Variants in MINDY3 observed in about 807,000 individuals in gnomAD.
MINDY3 encodes the protein ubiquitin carboxyl-terminal hydrolase MINDY-3.
A neutral mutation model predicts 69.2 loss-of-function variants in MINDY3; 38 were observed. The observed-to-expected ratio is 0.55, with a 90% confidence interval of 0.42 to 0.72. MINDY3 has a LOEUF of 0.72. MINDY3 is among the 30% of genes least tolerant of loss of function. The pLI is 0.00. For missense variants in MINDY3, 522 were observed against 519.0 expected, an observed-to-expected ratio of 1.01 and a Z score of -0.06; for synonymous variants, 192 against 180.1, an observed-to-expected ratio of 1.07 and a Z score of -0.53.
At chr10:15,823,900 T>C (rs1839927546) in intron 8 of MINDY3, among the ~76,000 whole-genome samples, 1 of 152,140 alleles carries the variant, frequency 6.6e-6, no homozygotes, top group African/African-American at 2.4e-5. Context: ...AGCGTGTGAT[T>C]TTGTCTTTTT....
At chr10:15,835,684 G>A (rs1306231873) in intron 6 of MINDY3, among the ~76,000 whole-genome samples, 1 of 152,026 alleles carries the variant, frequency 6.6e-6, no homozygotes, top group Non-Finnish European at 1.5e-5. Context: ...ATACTGAACA[G>A]TCAAGAAGAG....
At chr10:15,824,859 T>C (rs570536998) in intron 8 of MINDY3, among the ~76,000 whole-genome samples, 1 of 152,326 alleles carries the variant, frequency 6.6e-6, no homozygotes, top group South Asian at 2.1e-4. Context: ...AGTAAACACA[T>C]GCTTAGACAT....
chr10:15,786,221 C>A (rs1368155115), intron 13 of MINDY3, among the ~76,000 whole-genome samples: 1 of 152,116 alleles, frequency 6.6e-6, no homozygotes, highest in African/African-American at 2.4e-5. Context: ...GACCTCTTCT[C>A]ACAGTATTTA....
intron 10 of MINDY3, among the ~76,000 whole-genome samples, chr10:15,804,600 GCAGA>G (rs1433069226): frequency 6.6e-6 from 1 of 152,066 alleles, no homozygotes; most frequent in East Asian, 1.9e-4. Flanking sequence ...ATTTTAGCTT[GCAGA>G]CAACATATTA....
intron 8 of MINDY3, among the ~76,000 whole-genome samples, chr10:15,833,120 C>T (rs918200304): frequency 2.0e-5 from 3 of 152,020 alleles, no homozygotes; most frequent in Non-Finnish European, 4.4e-5. Flanking sequence ...TGACAACATA[C>T]GAAGCCACAG....
intron 2 of MINDY3, among the ~76,000 whole-genome samples, chr10:15,846,051 G>A (rs899190974): frequency 6.6e-6 from 1 of 151,778 alleles, no homozygotes; most frequent in Non-Finnish European, 1.5e-5. Flanking sequence ...TCCAACACCT[G>A]ACCTCAGGTG....
At chr10:15,828,255 G>A (rs1485096928) in intron 8 of MINDY3, among the ~76,000 whole-genome samples, 2 of 152,184 alleles carry the variant, frequency 1.3e-5, no homozygotes, top group Non-Finnish European at 2.9e-5. Flanking sequence ...GAGGAGTGAA[G>A]TACTGGTACA....
At chr10:15,805,391 G>A (rs1838565812) in intron 10 of MINDY3, among the ~76,000 whole-genome samples, 1 of 152,126 alleles carries the variant, frequency 6.6e-6, no homozygotes, top group South Asian at 2.1e-4. Context: ...GGTTTCTGGT[G>A]AACAGAGAAT....
intron 11 of MINDY3, among the ~76,000 whole-genome samples, chr10:15,792,620 A>G (rs1837505084): frequency 6.6e-6 from 1 of 152,044 alleles, no homozygotes; most frequent in African/African-American, 2.4e-5. Flanking sequence ...CAATAGTCCA[A>G]TTATTCTTAA....
intron 8 of MINDY3, among the ~76,000 whole-genome samples, chr10:15,830,378 C>T (rs994929772): frequency 1.3e-5 from 2 of 152,118 alleles, no homozygotes; most frequent in Non-Finnish European, 2.9e-5. Context: ...ATAATCATTC[C>T]CGTTGGAGGA....
At chr10:15,814,959 A>C (rs1423595941) in intron 10 of MINDY3, among the ~76,000 whole-genome samples, 1 of 152,210 alleles carries the variant, frequency 6.6e-6, no homozygotes, top group African/African-American at 2.4e-5. Context: ...CTGTTCTGAC[A>C]ACAAAATCAT....
intron 2 of MINDY3, among the ~76,000 whole-genome samples, chr10:15,847,627 G>C (rs1417826461): frequency 1.3e-5 from 2 of 152,064 alleles, no homozygotes; most frequent in Admixed American, 6.5e-5. Flanking sequence ...GAAAGTCAGG[G>C]AACGCCTATT....
At chr10:15,785,937 G>C (rs1045314814) in intron 13 of MINDY3, among the ~76,000 whole-genome samples, 2 of 152,100 alleles carry the variant, frequency 1.3e-5, no homozygotes, top group African/African-American at 2.4e-5. Flanking sequence ...CTGTTATCTA[G>C]TTAAGTAATT....
intron 8 of MINDY3, among the ~76,000 whole-genome samples, chr10:15,822,373 T>C (rs1007594629): frequency 6.6e-6 from 1 of 152,178 alleles, no homozygotes; most frequent in Non-Finnish European, 1.5e-5. Context: ...AGTATCTGCC[T>C]ACAGTGTTAG....
intron 14 of MINDY3, among the ~76,000 whole-genome samples, chr10:15,780,397 C>A (rs1588490874): frequency 6.6e-6 from 1 of 151,986 alleles, no homozygotes; most frequent in African/African-American, 2.4e-5. Flanking sequence ...TTTTCAGTCC[C>A]CAAAGCAAAA....
intron 8 of MINDY3, among the ~76,000 whole-genome samples, chr10:15,825,348 ATTC>A (rs919727748): frequency 6.6e-6 from 1 of 152,224 alleles, no homozygotes; most frequent in African/African-American, 2.4e-5. Flanking sequence ...TTGTGATTAT[ATTC>A]TTGTTTTCTT....
At chr10:15,807,931 G>C (rs1838745598) in intron 10 of MINDY3, among the ~76,000 whole-genome samples, 1 of 152,092 alleles carries the variant, frequency 6.6e-6, no homozygotes, top group South Asian at 2.1e-4. Flanking sequence ...AAAGATTTCT[G>C]GTCAAAATAA....
intron 7 of MINDY3, among the ~76,000 whole-genome samples, chr10:15,834,181 G>A (rs898836207): frequency 1.1e-4 from 16 of 151,946 alleles, no homozygotes; most frequent in African/African-American, 2.7e-4. Context: ...AGGGTGGTCC[G>A]AGAGGAAAAT....
rs149756175 is a variant in MINDY3 at position 15,857,927 on chromosome 10, CTAA to C, written c.94+2276_94+2278del. ...ACATCTGTATCTTGCTTCCAGAAAA[CTAA>C]TGAGACTGCAGTTGTCAACTGAAGA... On this transcript the variant is annotated intron_variant, in intron 1 of 14. Transcript: ENST00000277632. 7.3e-3 allele frequency: 7,190 copies of C among 984,666 alleles called. 325 individuals carry two copies. The African/African-American group carries it at 0.11, about 15-fold the overall frequency. 61.0% of individuals were successfully genotyped at this position (984,666 alleles called of 1,614,324 possible).
Sources: allele counts gnomAD v4.1 joint callset (sites outside exome capture counted in the v4.1 genomes callset), GRCh38; gene constraint gnomAD v4.1.1; transcripts MANE v1.5; gene names NCBI Gene and HGNC (gene_info 2026-07-23, HGNC 2026-07-21).